NFXL1: variants seen among roughly 807,000 people sequenced by gnomAD.
The protein encoded by NFXL1 is nuclear transcription factor, X-box binding like 1.
In NFXL1, 66 loss-of-function variants were observed where a neutral mutation model predicts 123.3. That is an observed-to-expected ratio of 0.54 (90% CI 0.44 to 0.66). NFXL1 has a LOEUF of 0.66. Ranked by LOEUF, NFXL1 falls within the 30% of genes least tolerant of loss-of-function variation. The pLI is 0.00. For missense variants in NFXL1, 944 were observed against 1,125.6 expected, an observed-to-expected ratio of 0.84 and a Z score of 2.31; for synonymous variants, 346 against 360.8, an observed-to-expected ratio of 0.96 and a Z score of 0.46.
intron 21 of NFXL1, 142 bp from the exon 22 acceptor site, chr4:47,851,290 C>T (rs1203402065): frequency 1.9e-5 from 12 of 641,664 alleles, no homozygotes; most frequent in African/African-American, 5.5e-5. Flanking sequence ...AAATGCTATA[C>T]TGAGACAAGG....
chr4:47,871,359 A>C (rs917775786), intron 18 of NFXL1, among the ~76,000 whole-genome samples: 1 of 151,880 alleles, frequency 6.6e-6, no homozygotes, highest in African/African-American at 2.4e-5. Flanking sequence ...TCAAAAAAAA[A>C]AAAAACAAAA....
intron 17 of NFXL1, 51 bp downstream of exon 17, chr4:47,878,474 A>C: frequency 7.3e-7 from 1 of 1,362,826 alleles, no homozygotes. Flanking sequence ...CTGTTGAAAA[A>C]ACGTTTCAAG....
chr4:47,912,886 G>A (rs1486927797), intron 2 of NFXL1, among the ~76,000 whole-genome samples: 2 of 146,658 alleles, frequency 1.4e-5, no homozygotes, highest in African/African-American at 5.0e-5. Flanking sequence ...GGTGGCAGGC[G>A]CCTGTAGTCC....
At chr4:47,856,618 CTT>C (rs1734431495) in intron 19 of NFXL1, among the ~76,000 whole-genome samples, 1 of 152,124 alleles carries the variant, frequency 6.6e-6, no homozygotes, top group African/African-American at 2.4e-5. Context: ...TTTCCATTGT[CTT>C]TAGTCTCTTT....
intron 3 of NFXL1, among the ~76,000 whole-genome samples, chr4:47,909,048 AT>A (rs1737704847): frequency 6.6e-6 from 1 of 152,106 alleles, no homozygotes; most frequent in Non-Finnish European, 1.5e-5. Context: ...TACATTAAAC[AT>A]TCCAGCAAAC....
chr4:47,884,722 C>T (rs6447591), intron 14 of NFXL1, among the ~76,000 whole-genome samples: 2 of 151,878 alleles, frequency 1.3e-5, no homozygotes, highest in Non-Finnish European at 2.9e-5. Flanking sequence ...ATGAGAAAAA[C>T]AATTGGAAAC....
At chr4:47,854,910 T>C (rs1214269739) in intron 20 of NFXL1, 149 bp downstream of exon 20, 4 of 414,732 alleles carry the variant, frequency 9.6e-6, no homozygotes, top group Admixed American at 4.6e-5. Context: ...ATAAAAAAGT[T>C]CTATGAAGTA....
intron 19 of NFXL1, among the ~76,000 whole-genome samples, chr4:47,859,452 TAA>T: frequency 6.6e-6 from 1 of 152,346 alleles, no homozygotes; most frequent in African/African-American, 2.4e-5. Context: ...TATATATGAA[TAA>T]GTTCAGTTAC....
chr4:47,848,826 T>C (rs2110018513), intron 22 of NFXL1, among the ~76,000 whole-genome samples: 1 of 152,188 alleles, frequency 6.6e-6, no homozygotes, highest in South Asian at 2.1e-4. Context: ...GAGGCAGAGC[T>C]TGCAGTGAGC....
At chr4:47,864,556 G>A (rs1734945902) in intron 18 of NFXL1, among the ~76,000 whole-genome samples, 1 of 152,000 alleles carries the variant, frequency 6.6e-6, no homozygotes, top group African/African-American at 2.4e-5. Context: ...GCCTTGTTGG[G>A]TTTCCCTACT....
intron 3 of NFXL1, among the ~76,000 whole-genome samples, chr4:47,906,570 C>A (rs1440065685): frequency 1.3e-5 from 2 of 151,976 alleles, no homozygotes; most frequent in Admixed American, 1.3e-4. Context: ...TTATTTTAAA[C>A]AAACATTGAA....
rs760020834 is a variant in NFXL1 at position 47,851,924 on chromosome 4, C to G, written c.2440G>C (p.Val814Leu). Reference protein sequence around the residue: ...RIKKELQCNKVRENQVSIECD... With the variant: ...RIKKELQCNKLRENQVSIECD... ...TCTATTGAAACCTGATTTTCACGTACTTTGTTGCACTGCAATTCCTACAAA... is the reference window on the plus strand; with the variant it reads ...TCTATTGAAACCTGATTTTCACGTAGTTTGTTGCACTGCAATTCCTACAAA... The change falls in exon 21 of 23, where the codon GTA becomes CTA. Residue 814 changes from valine to leucine, a missense_variant. By Grantham distance (32) the Val-to-Leu change is conservative. This residue lies in a region of NFXL1 where 301 missense variants were observed against 348.0 expected (regional missense o/e 0.86). Coordinates refer to ENST00000507489, the MANE Select transcript of NFXL1 (RefSeq NM_001278624.2). 6 of 1,609,496 alleles carry G rather than the reference C, an allele frequency of 3.7e-6. No homozygotes were observed. The highest frequency in any genetic ancestry group is 1.7e-6 in the Non-Finnish European group (2 of 1,176,168).
At chr4:47,896,690 T>TAAC in intron 9 of NFXL1, 43 bp from the exon 10 acceptor site, 1 of 1,417,814 alleles carries the variant, frequency 7.1e-7, no homozygotes, top group Non-Finnish European at 9.9e-7. Context: ...GAGACATTAT[T>TAAC]ATTAAACATC....
intron 2 of NFXL1, among the ~76,000 whole-genome samples, chr4:47,912,842 C>A (rs1292228766): frequency 2.1e-5 from 3 of 145,234 alleles, no homozygotes; most frequent in African/African-American, 5.1e-5. Flanking sequence ...AAAAAAAAAA[C>A]CAAAGAACAA....
intron 3 of NFXL1, among the ~76,000 whole-genome samples, chr4:47,908,803 A>T (rs777310741): frequency 7.2e-5 from 11 of 151,780 alleles, no homozygotes; most frequent in Non-Finnish European, 1.6e-4. Context: ...AAAACACAAA[A>T]AATTACCCGG....
intron 10 of NFXL1, among the ~76,000 whole-genome samples, chr4:47,895,913 T>TC (rs1326963507): frequency 3.3e-5 from 5 of 152,340 alleles, no homozygotes; most frequent in African/African-American, 1.2e-4. Context: ...TGTGTGACTC[T>TC]TCCTTTCACT....
rs1236876360 is a variant in NFXL1, at chr4:47,914,206, C to T, written c.-2-1G>A. The T allele has an allele frequency of 1.4e-6, 2 of 1,468,118 alleles. No individual in the cohort carries two copies. Among genetic ancestry groups the T allele is most frequent in the Admixed American group, 2.5e-5 (1 of 40,204 alleles). The allele number at this position is 1,468,118 out of a possible 1,614,324, so 90.9% of individuals were successfully genotyped here. On this transcript the variant is annotated splice_acceptor_variant, in intron 1 of 22. Coordinates refer to ENST00000507489, the MANE Select transcript of NFXL1 (RefSeq NM_001278624.2). LOFTEE classifies it low-confidence loss of function (5UTR_SPLICE). ...ACCTGGCGCCAGGAAGCTTCCATCC[C>T]TGCAAAGGAGAAAAAAAAAAAAAAG...
chr4:47,886,352 C>T (rs1466486419), intron 12 of NFXL1, among the ~76,000 whole-genome samples: 3 of 151,582 alleles, frequency 2.0e-5, no homozygotes, highest in Non-Finnish European at 2.9e-5. Context: ...AAGCTGTATA[C>T]TTTTTATTTG....
intron 18 of NFXL1, among the ~76,000 whole-genome samples, chr4:47,871,177 T>C (rs541987751): frequency 4.8e-4 from 73 of 152,064 alleles, no homozygotes; most frequent in Non-Finnish European, 8.7e-4. Context: ...GGTGAAACCC[T>C]GTCTCTACTA....
Sources: allele counts gnomAD v4.1 joint callset (sites outside exome capture counted in the v4.1 genomes callset), GRCh38; gene constraint gnomAD v4.1.1; regional missense constraint gnomAD v4.1.1; transcripts MANE v1.5; gene names NCBI Gene and HGNC (gene_info 2026-07-23, HGNC 2026-07-21).